The following FASTKD3 variants were observed in gnomAD, a reference collection of about 807,000 sequenced individuals.
The protein encoded by FASTKD3 is FAST kinase domains 3.
FASTKD3 carries 47 observed loss-of-function variants against 49.7 expected under a neutral mutation model. That is an observed-to-expected ratio of 0.95 (90% CI 0.75 to 1.21). The LOEUF is 1.21. FASTKD3 is among the 50% of genes most tolerant of loss of function. FASTKD3 has a pLI of 0.00. For synonymous variants in FASTKD3, 284 were observed against 288.6 expected, an observed-to-expected ratio of 0.98 and a Z score of 0.16; for missense variants, 748 against 765.7, an observed-to-expected ratio of 0.98 and a Z score of 0.27.
chr5:7,868,718 G>C lies in FASTKD3; in HGVS notation c.-114+261C>G, dbSNP rs550907750. On this transcript the variant is annotated intron_variant, in intron 1 of 6. Transcript: ENST00000264669. ...AAAGCAAAACATAGATCAATGAAGG[G>C]AGAAGGTGGGGCGGCCAGTCCAGAT... Among the ~76,000 whole-genome samples, 5 of 152,318 alleles carry C rather than the reference G, an allele frequency of 3.3e-5. No individual in the cohort carries two copies. In the South Asian group the frequency reaches 1.0e-3, roughly 32 times the overall value.
rs571652576 is a variant in FASTKD3, at chr5:7,863,183, C to A, written c.1525-186G>T. ...AAACTTCTCTTCTTACAGTGCAAGT[C>A]TAATAGTTCAAAATGTCTTTTATAT... is the stretch of plus-strand genomic sequence containing the variant. On this transcript the variant is annotated intron_variant, in intron 3 of 6. Coordinates refer to ENST00000264669, the MANE Select transcript of FASTKD3 (RefSeq NM_024091.4). The A allele has an allele frequency of 3.4e-3, 1,982 of 591,184 alleles. 61 individuals carry two copies. The South Asian group carries it at 0.04, about 12-fold the overall frequency. The allele number at this position is 591,184 out of a possible 1,614,324, so 36.6% of individuals were successfully genotyped here. A position where few individuals can be genotyped will look rare whatever the true frequency, so the allele number is the denominator to read the frequency against.
Position 7,867,116 on chromosome 5 carries a change from A to C in FASTKD3, c.968T>G (p.Val323Gly). ...PLIIKLGKYV[V>G]RHVPHFTNEE... The stretch of plus-strand genomic sequence containing the variant: ...GTTAGTGAAATGTGGGACATGCCTC[A>C]CGACATATTTGCCCAATTTTATAAT... Residue 323 changes from valine to glycine, a missense_variant, in exon 2 of 7, where the codon GTG becomes GGG. Val to Gly is a moderately radical substitution (Grantham distance 109, BLOSUM62 -3). Coordinates refer to ENST00000264669, the MANE Select transcript of FASTKD3 (RefSeq NM_024091.4). 1 of 1,614,204 alleles carries C rather than the reference A, an allele frequency of 6.2e-7. No homozygotes were observed. Among genetic ancestry groups the C allele is most frequent in the Non-Finnish European group, 8.5e-7 (1 of 1,180,036 alleles).
At chr5:7,861,778 A>C (rs1345094786) in intron 4 of FASTKD3, 126 bp from the exon 5 acceptor site, 170 of 1,448,870 alleles carry the variant, frequency 1.2e-4, no homozygotes, top group Non-Finnish European at 1.5e-4. Context: ...TGAAGGCTGC[A>C]AAGTAATGAC....
intron 3 of FASTKD3, 54 bp from the exon 4 acceptor site, chr5:7,863,051 G>T (rs1049679419): frequency 1.7e-5 from 25 of 1,481,302 alleles, no homozygotes; most frequent in Admixed American, 3.7e-5. Flanking sequence ...TAACAACAGA[G>T]AATAAATTGA....
intron 6 of FASTKD3, 58 bp from the exon 7 acceptor site, chr5:7,859,597 G>T: frequency 9.0e-7 from 1 of 1,115,452 alleles, no homozygotes. Flanking sequence ...GGTTCCTCTG[G>T]CTATTGGTTA....
rs1746364843 is a variant in FASTKD3 at position 7,859,275 on chromosome 5, C to T, written c.*160G>A. 1 of 406,870 alleles carries T rather than the reference C, an allele frequency of 2.5e-6. No homozygotes were observed. The highest frequency in any genetic ancestry group is 4.4e-6 in the Non-Finnish European group (1 of 229,502). The allele number at this position is 406,870 out of a possible 1,614,324, so 25.2% of individuals were successfully genotyped here. On this transcript the variant is annotated 3_prime_UTR_variant, in exon 7 of 7. Transcript: ENST00000264669. ...TTAAAATTAATTTTAAATTTTACCA[C>T]AATAAATGTATACATAGTATAAGGA... is the stretch of plus-strand genomic sequence containing the variant.
rs34274545 is a variant in FASTKD3, at chr5:7,868,200, G to GAAAA, written c.-113-8_-113-5dup. On this transcript the variant is annotated splice_polypyrimidine_tract_variant and splice_region_variant and intron_variant, in intron 1 of 6. Transcript: ENST00000264669. ...TTATGAAACTACAAACGAGTATCTG[G>GAAAA]AAAAAAAAAAAAAAAAAAAAAAAGG... The GAAAA allele has an allele frequency of 4.4e-5, 10 of 225,010 alleles. No individual in the cohort carries two copies. Among genetic ancestry groups the GAAAA allele is most frequent in the East Asian group, 1.6e-4 (2 of 12,444 alleles). The allele number at this position is 225,010 out of a possible 1,614,324, so 13.9% of individuals were successfully genotyped here.
intron 1 of FASTKD3, among the ~76,000 whole-genome samples, 172 bp downstream of exon 1, chr5:7,868,807 C>T (rs1343634137): frequency 6.6e-6 from 1 of 152,124 alleles, no homozygotes; most frequent in African/African-American, 2.4e-5. Context: ...GGAGGCCCCG[C>T]GGCGCGTTTT....
At chr5:7,868,403 A>C (rs1301272142) in intron 1 of FASTKD3, among the ~76,000 whole-genome samples, 1 of 152,224 alleles carries the variant, frequency 6.6e-6, no homozygotes, top group Non-Finnish European at 1.5e-5. Context: ...GTTGAAGCAC[A>C]AAGTTACTTT....
At chr5:7,862,318 G>A (rs1746610284) in intron 4 of FASTKD3, among the ~76,000 whole-genome samples, 1 of 152,106 alleles carries the variant, frequency 6.6e-6, no homozygotes, top group South Asian at 2.1e-4. Flanking sequence ...CTTTATAATG[G>A]TGCTGTCCAA....
intron 1 of FASTKD3, among the ~76,000 whole-genome samples, 183 bp downstream of exon 1, chr5:7,868,796 G>T (rs1245236244): frequency 6.6e-6 from 1 of 152,234 alleles, no homozygotes; most frequent in African/African-American, 2.4e-5. Context: ...ACAGACAGAC[G>T]GGAGGCCCCG....
chr5:7,867,182 G>C lies in FASTKD3; in HGVS notation c.902C>G (p.Thr301Ser), dbSNP rs1747021811. Residue 301 changes from threonine (T) to serine (S), a missense_variant, in exon 2 of 7, where the codon ACT (threonine) becomes AGT (serine). Thr to Ser is a moderately conservative substitution (Grantham distance 58). Around this residue, in one of 3 missense-constraint regions of FASTKD3, gnomAD observed 564 missense variants for 562.8 expected, o/e 1.00. Coordinates refer to ENST00000264669, the MANE Select transcript of FASTKD3 (RefSeq NM_024091.4). ...ACTTTGATCAAGAACCACCAGGGCA[G>C]TGAGCATTTGGCTAATCAATTTAGG... ...LSPKLISQML[T>S]ALVVLDQSQA... The C allele has an allele frequency of 6.2e-7, 1 of 1,614,084 alleles. No individual in the cohort carries two copies. Among genetic ancestry groups the C allele is most frequent in the African/African-American group, 1.3e-5 (1 of 74,946 alleles).
chr5:7,868,200 G>GAAA lies in FASTKD3; in HGVS notation c.-113-7_-113-5dup, dbSNP rs34274545. On this transcript the variant is annotated splice_polypyrimidine_tract_variant and splice_region_variant and intron_variant, in intron 1 of 6. Coordinates refer to ENST00000264669, the MANE Select transcript of FASTKD3 (RefSeq NM_024091.4). ...TTATGAAACTACAAACGAGTATCTG[G>GAAA]AAAAAAAAAAAAAAAAAAAAAAAGG... 44 of 224,984 alleles carry GAAA rather than the reference G, an allele frequency of 2.0e-4. No individual in the cohort carries two copies. The highest frequency in any genetic ancestry group is 1.3e-3 in the Middle Eastern group (1 of 754). 13.9% of individuals were successfully genotyped at this position (224,984 alleles called of 1,614,324 possible).
At chr5:7,863,169 C>T in intron 3 of FASTKD3, 172 bp from the exon 4 acceptor site, 1 of 629,530 alleles carries the variant, frequency 1.6e-6, no homozygotes. Context: ...AACTTCTCTT[C>T]TTACAGTGCA....
chr5:7,868,205 A>T lies in FASTKD3; in HGVS notation c.-113-9T>A. ...AAACTACAAACGAGTATCTGGAAAA[A>T]AAAAAAAAAAAAAAAAAAGGATGGT... On this transcript the variant is annotated splice_polypyrimidine_tract_variant and intron_variant, in intron 1 of 6. Coordinates refer to ENST00000264669, the MANE Select transcript of FASTKD3 (RefSeq NM_024091.4). 1.8e-4 allele frequency: 46 copies of T among 252,826 alleles called. No homozygotes were observed. The highest frequency in any genetic ancestry group is 3.7e-4 in the African/African-American group (2 of 5,426). 15.7% of individuals were successfully genotyped at this position (252,826 alleles called of 1,614,324 possible).
chr5:7,867,544 A>G lies in FASTKD3; in HGVS notation c.540T>C (p.Thr180=). ...GCAACAGAATCAGAGCTTGCAAAGC[A>G]GTCACTAAACTAGTGTTTGACAGCT... ...PSQLSNTSLV[T]ALQALILLHV... Residue 180 remains threonine, a synonymous_variant, in exon 2 of 7, where the codon ACT becomes ACC. Coordinates refer to ENST00000264669, the MANE Select transcript of FASTKD3 (RefSeq NM_024091.4). 1 of 1,614,278 alleles carries G rather than the reference A, an allele frequency of 6.2e-7. No homozygotes were observed. The highest frequency in any genetic ancestry group is 1.1e-5 in the South Asian group (1 of 91,092).
chr5:7,868,854 C>G, intron 1 of FASTKD3, 125 bp downstream of exon 1: 1 of 541,704 alleles, frequency 1.8e-6, no homozygotes, highest in Non-Finnish European at 3.3e-6. Context: ...CGAGCACCCC[C>G]AAACTCGGCG....
In FASTKD3 at chr5:7,867,407, A is replaced by T; in HGVS notation, c.677T>A (p.Ile226Asn). ...RNLCILGESL[I>N]TLHSSGCVTL... is the part of the protein sequence containing the mutation. ...CACACAACCTGAACTGTGCAGTGTAATCAGACTTTCCCCAAGAATACAAAG... is the reference window on the plus strand; with the variant it reads ...CACACAACCTGAACTGTGCAGTGTATTCAGACTTTCCCCAAGAATACAAAG... The change falls in exon 2 of 7, where the codon ATT (isoleucine) becomes AAT (asparagine). Residue 226 changes from isoleucine (I) to asparagine (N), a missense_variant. Coordinates refer to ENST00000264669, the MANE Select transcript of FASTKD3 (RefSeq NM_024091.4). The T allele has an allele frequency of 6.2e-7, 1 of 1,614,200 alleles. No homozygotes were observed. The highest frequency in any genetic ancestry group is 8.5e-7 in the Non-Finnish European group (1 of 1,180,038).
At chr5:7,864,149 CA>C (rs1746764005) in intron 3 of FASTKD3, among the ~76,000 whole-genome samples, 1 of 152,026 alleles carries the variant, frequency 6.6e-6, no homozygotes, top group African/African-American at 2.4e-5. Flanking sequence ...CTGCGCACGG[CA>C]AGAGTACATT....
Sources: gnomAD v4.1 joint callset for allele counts (sites outside exome capture counted in the v4.1 genomes callset) on GRCh38, gnomAD v4.1.1 for gene constraint, gnomAD v4.1.1 regional missense constraint, MANE v1.5 for transcripts, NCBI Gene and HGNC (gene_info 2026-07-23, HGNC 2026-07-21) for gene names.